Variants in DAPK2 observed in about 807,000 individuals in gnomAD.
DAPK2 encodes death associated protein kinase 2.
DAPK2 carries 35 observed loss-of-function variants against 44.1 expected under a neutral mutation model. The ratio of observed to expected loss-of-function variants is 0.79; its 90% CI spans 0.61 to 1.05. The LOEUF is 1.05. Ranked by LOEUF, DAPK2 falls within the 50% of genes least tolerant of loss-of-function variation. The pLI, the probability that DAPK2 is intolerant of heterozygous loss-of-function variation, is 0.00. For missense variants in DAPK2, 453 were observed against 483.2 expected (o/e 0.94, Z 0.59); for synonymous variants, 174 against 182.6 (o/e 0.95, Z 0.38).
At chr15:64,040,264 A>G (rs1363475503) in exon 1 of DAPK2, 2 of 1,613,706 alleles carry the variant, frequency 1.2e-6, no homozygotes, top group South Asian at 1.1e-5. Context: ...TGGAACATAC[A>G]ATCCTGAAAT....
chr15:63,999,983 TCTCGAACTCCTGGG>T (rs902280187), intron 1 of DAPK2, among the ~76,000 whole-genome samples: 9 of 152,024 alleles, frequency 5.9e-5, no homozygotes, highest in Admixed American at 1.3e-4. Context: ...CCCAGGCTGG[TCTCGAACTCCTGGG>T]CTCAAACTCC....
At chr15:64,042,146 C>A (rs2080367415), upstream of DAPK2, among the ~76,000 whole-genome samples, 1 of 152,232 alleles carries the variant, frequency 6.6e-6, no homozygotes, top group Admixed American at 6.5e-5. The surrounding 1 kb of genome is among the most constrained non-coding windows in gnomAD (Gnocchi z 4.7). Context: ...ATACTTCACA[C>A]ATCCATGTGG....
chr15:63,930,552 T>A (rs1481249266), intron 4 of DAPK2, 97 bp from the exon 6 acceptor site: 4 of 1,109,874 alleles, frequency 3.6e-6, no homozygotes, highest in Non-Finnish European at 2.7e-6. Flanking sequence ...AATATCTCCA[T>A]CCTGAATCTC....
At chr15:64,012,594 C>G (rs2079416624) in intron 1 of DAPK2, among the ~76,000 whole-genome samples, 1 of 152,210 alleles carries the variant, frequency 6.6e-6, no homozygotes, top group South Asian at 2.1e-4. Context: ...GATACACATA[C>G]CTGATCTGGG....
chr15:64,038,515 C>G (rs2080269504), intron 1 of DAPK2, among the ~76,000 whole-genome samples: 1 of 152,182 alleles, frequency 6.6e-6, no homozygotes, highest in African/African-American at 2.4e-5. Context: ...CTTCACCAGG[C>G]CCAAGACTGG....
chr15:63,958,818 G>C (rs2077803004), intron 3 of DAPK2, among the ~76,000 whole-genome samples: 1 of 152,200 alleles, frequency 6.6e-6, no homozygotes, highest in South Asian at 2.1e-4. Flanking sequence ...TTTGGCTTAG[G>C]ATTGTCTTGA....
intron 6 of DAPK2, 155 bp downstream of exon 7, chr15:63,929,396 A>G (rs2079442091): frequency 1.1e-6 from 1 of 909,296 alleles, no homozygotes; most frequent in Admixed American, 2.3e-5. Flanking sequence ...AAATGGACCT[A>G]CAGCACTTAG....
intron 1 of DAPK2, among the ~76,000 whole-genome samples, chr15:64,037,371 G>A (rs2080238638): frequency 6.6e-6 from 1 of 152,156 alleles, no homozygotes; most frequent in Non-Finnish European, 1.5e-5. Flanking sequence ...CACTTCCTCA[G>A]AGCAATCTTC....
chr15:63,953,717 T>A (rs2077650519), intron 3 of DAPK2, among the ~76,000 whole-genome samples: 1 of 152,228 alleles, frequency 6.6e-6, no homozygotes, highest in Non-Finnish European at 1.5e-5. Context: ...ATAGTGGTTG[T>A]ATTAACTTAC....
At chr15:64,012,489 C>T (rs977741354) in intron 1 of DAPK2, among the ~76,000 whole-genome samples, 7 of 152,176 alleles carry the variant, frequency 4.6e-5, no homozygotes, top group Admixed American at 2.6e-4. Context: ...TAAAAAGATG[C>T]GCATTTCAGC....
intron 1 of DAPK2, among the ~76,000 whole-genome samples, chr15:64,025,911 T>C (rs1295738470): frequency 2.0e-5 from 3 of 152,246 alleles, no homozygotes; most frequent in Non-Finnish European, 4.4e-5. Context: ...TATCATCAAA[T>C]TGATTGGAAA....
At chr15:63,946,666 A>C (rs1357662484) in intron 3 of DAPK2, among the ~76,000 whole-genome samples, 3 of 152,164 alleles carry the variant, frequency 2.0e-5, no homozygotes, top group Admixed American at 2.0e-4. Context: ...TTCATGTCAG[A>C]GCAGCCCAGA....
At chr15:63,998,609 G>A (rs961866680) in intron 1 of DAPK2, among the ~76,000 whole-genome samples, 6 of 152,308 alleles carry the variant, frequency 3.9e-5, no homozygotes, top group Middle Eastern at 3.4e-3. Context: ...ACCTATGCCC[G>A]GAGGAGACCC....
intron 3 of DAPK2, among the ~76,000 whole-genome samples, chr15:63,957,448 C>T (rs184812045): frequency 6.6e-6 from 1 of 151,948 alleles, no homozygotes; most frequent in East Asian, 1.9e-4. Context: ...TGTTGGTATG[C>T]TGCACCCGTT....
At chr15:63,948,179 G>A (rs916817697) in intron 3 of DAPK2, among the ~76,000 whole-genome samples, 2 of 143,348 alleles carry the variant, frequency 1.4e-5, no homozygotes, top group African/African-American at 5.2e-5. Context: ...GCTGAGGTAG[G>A]AGAATCGCTT....
chr15:64,040,187 G>A (rs377251760), exon 1 of DAPK2: 10 of 1,613,696 alleles, frequency 6.2e-6, no homozygotes, highest in South Asian at 4.4e-5. Flanking sequence ...GCTCCTCTCC[G>A]ATGTCATAAA....
At position 63,912,282 on chromosome 15, in the gene DAPK2, C is replaced by T; in HGVS notation, c.859-85G>A. On this transcript the variant is annotated intron_variant, in intron 8 of 10. Transcript: ENST00000261891. This position sits in a 1 kb window ranked among gnomAD's most constrained non-coding sequence, Gnocchi z 4.4. Reference sequence around the variant, plus strand: ...TCGCCGCAGAACTCCCCACCCACCGCATGCCCACCGCCCTTGGCTTGACCC... The same window carrying T: ...TCGCCGCAGAACTCCCCACCCACCGTATGCCCACCGCCCTTGGCTTGACCC... The T allele has an allele frequency of 7.3e-7, 1 of 1,371,436 alleles. No homozygotes were observed. Among genetic ancestry groups the T allele is most frequent in the East Asian group, 2.4e-5 (1 of 42,468 alleles). The allele number at this position is 1,371,436 out of a possible 1,614,324, so 85.0% of individuals were successfully genotyped here.
chr15:63,962,987 A>C (rs2077954093), intron 3 of DAPK2, among the ~76,000 whole-genome samples: 1 of 152,230 alleles, frequency 6.6e-6, no homozygotes, highest in Non-Finnish European at 1.5e-5. Context: ...CTTGAGCTGC[A>C]GTGGGCTGCA....
At chr15:63,998,422 G>A (rs2079003511) in intron 1 of DAPK2, among the ~76,000 whole-genome samples, 1 of 152,188 alleles carries the variant, frequency 6.6e-6, no homozygotes, top group Non-Finnish European at 1.5e-5. Context: ...GCCCAGGAGA[G>A]CCAAAGGATG....
Sources: gnomAD v4.1 joint callset for allele counts (sites outside exome capture counted in the v4.1 genomes callset) on GRCh38, gnomAD v4.1.1 for gene constraint, Gnocchi (gnomAD v3.1) non-coding constraint, MANE v1.5 for transcripts, NCBI Gene and HGNC (gene_info 2026-07-23, HGNC 2026-07-21) for gene names.